Variants in BMPR1B observed in about 807,000 individuals in gnomAD.
BMPR1B encodes the protein bone morphogenetic protein receptor type-1B.
BMPR1B carries 12 observed loss-of-function variants against 59.1 expected under a neutral mutation model. That is an observed-to-expected ratio of 0.20 (90% CI 0.13 to 0.33). The LOEUF is 0.33. Among genes scored for constraint, BMPR1B ranks in the 10% least tolerant of loss-of-function variants. The pLI, the probability that BMPR1B is intolerant of heterozygous loss-of-function variation, is 1.00. For missense variants in BMPR1B, 550 were observed against 610.9 expected, an observed-to-expected ratio of 0.90 and a Z score of 1.05; for synonymous variants, 237 against 207.3, an observed-to-expected ratio of 1.14 and a Z score of -1.23.
chr4:94,825,419 C>A (rs1468522926), intron 1 of BMPR1B, among the ~76,000 whole-genome samples: 1 of 152,106 alleles, frequency 6.6e-6, no homozygotes, highest in East Asian at 1.9e-4. Flanking sequence ...GTGAGAGGAT[C>A]CCTTGAGCCC....
At chr4:94,980,099 A>G (rs1192087555) in intron 2 of BMPR1B, among the ~76,000 whole-genome samples, 1 of 152,234 alleles carries the variant, frequency 6.6e-6, no homozygotes, top group Non-Finnish European at 1.5e-5. Flanking sequence ...GTGATATCAA[A>G]TGAATGGAAA....
At chr4:94,758,830 T>C (rs921271518) in intron 1 of BMPR1B, among the ~76,000 whole-genome samples, 13 of 152,070 alleles carry the variant, frequency 8.5e-5, no homozygotes, top group African/African-American at 2.9e-4. Context: ...CGTGCGTCTG[T>C]CTCCCTCTCC....
intron 2 of BMPR1B, among the ~76,000 whole-genome samples, chr4:94,885,031 T>G (rs1727117621): frequency 6.6e-6 from 1 of 152,166 alleles, no homozygotes; most frequent in African/African-American, 2.4e-5. Context: ...CAAGTCATTT[T>G]ACTTGAGTCT....
At chr4:94,836,855 T>A (rs368084200) in intron 1 of BMPR1B, among the ~76,000 whole-genome samples, 2 of 150,162 alleles carry the variant, frequency 1.3e-5, no homozygotes, top group Admixed American at 1.3e-4. Flanking sequence ...CTGAATGGTA[T>A]TGCCTAGGTT....
At chr4:94,835,608 A>G (rs1368708206) in intron 1 of BMPR1B, among the ~76,000 whole-genome samples, 2 of 152,164 alleles carry the variant, frequency 1.3e-5, no homozygotes, top group South Asian at 4.1e-4. Flanking sequence ...AAGATACAAT[A>G]ATATATTTTT....
chr4:94,840,890 G>A, intron 1 of BMPR1B, among the ~76,000 whole-genome samples: 1 of 147,302 alleles, frequency 6.8e-6, no homozygotes. Flanking sequence ...CCATCTTTGT[G>A]GTTTTATCTC....
intron 1 of BMPR1B, among the ~76,000 whole-genome samples, chr4:94,814,290 A>AACTT (rs991005196): frequency 6.6e-6 from 1 of 152,224 alleles, no homozygotes; most frequent in Non-Finnish European, 1.5e-5. Context: ...TGGAAAGGAA[A>AACTT]ACTTAAGAGA....
At chr4:94,934,369 C>G (rs1729205637) in intron 2 of BMPR1B, among the ~76,000 whole-genome samples, 1 of 150,884 alleles carries the variant, frequency 6.6e-6, no homozygotes, top group South Asian at 2.1e-4. Flanking sequence ...TGGAGTTTTT[C>G]TCCTTTTTAT....
intron 2 of BMPR1B, among the ~76,000 whole-genome samples, chr4:94,893,444 T>G (rs541773899): frequency 7.2e-5 from 11 of 152,066 alleles, no homozygotes; most frequent in Non-Finnish European, 1.6e-4. Flanking sequence ...GTGTATGGGC[T>G]TCCCAAGAAG....
chr4:95,104,748 G>T (rs1054789483), intron 4 of BMPR1B, among the ~76,000 whole-genome samples, 181 bp downstream of exon 4: 1 of 152,050 alleles, frequency 6.6e-6, no homozygotes, highest in Non-Finnish European at 1.5e-5. Context: ...CTGAAACAAT[G>T]TTCTAAGCTT....
chr4:94,897,714 A>G (rs1727638908), intron 2 of BMPR1B, among the ~76,000 whole-genome samples: 1 of 151,986 alleles, frequency 6.6e-6, no homozygotes, highest in African/African-American at 2.4e-5. Context: ...TAAGATGTTC[A>G]GCCAAGAAGA....
Position 94,946,756 on chromosome 4 carries a change from A to G in BMPR1B, c.-112-49284A>G, listed in dbSNP as rs188123214. Among the ~76,000 whole-genome samples, 474 of 152,272 alleles carry G rather than the reference A, an allele frequency of 3.1e-3. 3 individuals carry two copies. Among genetic ancestry groups the G allele is most frequent in the African/African-American group, 0.011 (450 of 41,554 alleles). On this transcript the variant is annotated intron_variant, in intron 2 of 12. Coordinates refer to ENST00000515059, the MANE Select transcript of BMPR1B (RefSeq NM_001203.3). ...CTTGTAGTTTATGCCATGATATTCA[A>G]AAGGGCAAATTTGGTCAGGCGTGGT...
At chr4:94,823,411 G>A (rs1271350638) in intron 1 of BMPR1B, among the ~76,000 whole-genome samples, 1 of 152,160 alleles carries the variant, frequency 6.6e-6, no homozygotes, top group Non-Finnish European at 1.5e-5. Context: ...GGATATGTAT[G>A]AGTTATGAGA....
intron 2 of BMPR1B, among the ~76,000 whole-genome samples, chr4:94,945,666 C>A (rs962522561): frequency 2.0e-5 from 3 of 152,160 alleles, no homozygotes; most frequent in African/African-American, 7.2e-5. Flanking sequence ...AAATCCTAGG[C>A]TCAAGCAATC....
At chr4:94,862,601 C>T (rs112872530) in intron 1 of BMPR1B, among the ~76,000 whole-genome samples, 10,738 of 150,380 alleles carry the variant, frequency 0.071, 993 homozygotes, top group African/African-American at 0.22. Context: ...GTCAGGAGTT[C>T]GAGACCAGCC....
chr4:94,916,016 A>G (rs1023945554), intron 2 of BMPR1B, among the ~76,000 whole-genome samples: 6 of 152,160 alleles, frequency 3.9e-5, no homozygotes, highest in Non-Finnish European at 8.8e-5. Flanking sequence ...TTTTGCCATC[A>G]GTAAAAGCTC....
chr4:94,856,674 C>G (rs944098340), intron 1 of BMPR1B, among the ~76,000 whole-genome samples: 4 of 152,142 alleles, frequency 2.6e-5, no homozygotes, highest in Admixed American at 2.6e-4. Context: ...AAAGGGATGT[C>G]TATAATCAGC....
At position 95,099,073 on chromosome 4, in the gene BMPR1B, G is replaced by A. The variant is rs754885703; in HGVS notation, c.-17-5335G>A. Among the ~76,000 whole-genome samples the A allele has an allele frequency of 3.3e-5, 5 of 152,238 alleles. No homozygotes were observed. The Middle Eastern group carries it at 0.014, about 414-fold the overall frequency. ...AATATTGTGACTTGTGCAGATTGTA[G>A]ATTATAGAATGTAGATTTACCAACA... is the stretch of plus-strand genomic sequence containing the variant. On this transcript the variant is annotated intron_variant, in intron 3 of 12. Coordinates refer to ENST00000515059, the MANE Select transcript of BMPR1B (RefSeq NM_001203.3).
intron 1 of BMPR1B, among the ~76,000 whole-genome samples, chr4:94,817,318 A>T (rs770294858): frequency 1.3e-4 from 20 of 152,244 alleles, no homozygotes; most frequent in Admixed American, 2.0e-4. Flanking sequence ...CTGGTATAGA[A>T]GACAGCAGTT....
Sources: gnomAD v4.1 joint callset for allele counts (sites outside exome capture counted in the v4.1 genomes callset) on GRCh38, gnomAD v4.1.1 for gene constraint, MANE v1.5 for transcripts, NCBI Gene and HGNC (gene_info 2026-07-23, HGNC 2026-07-21) for gene names.